TTC28: variants seen among roughly 807,000 people sequenced by gnomAD.
TTC28 encodes the protein tetratricopeptide repeat protein 28.
TTC28 carries 61 observed loss-of-function variants against 198.0 expected under a neutral mutation model. That is an observed-to-expected ratio of 0.31 (90% CI 0.25 to 0.38). The LOEUF (loss-of-function observed/expected upper bound fraction) is 0.38, where lower values mean the gene tolerates loss of function less well. Ranked by LOEUF, TTC28 falls within the 10% of genes least tolerant of loss-of-function variation. The pLI is 1.00. For missense variants in TTC28, 2,678 were observed against 3,164.0 expected (o/e 0.85, Z 3.69); for synonymous variants, 1,171 against 1,297.8 (o/e 0.90, Z 2.10).
At chr22:28,207,558 T>A (rs571129461) in intron 5 of TTC28, among the ~76,000 whole-genome samples, 1 of 152,290 alleles carries the variant, frequency 6.6e-6, no homozygotes, top group East Asian at 1.9e-4. Context: ...TCTTACAGTT[T>A]CTTAACTATG....
intron 2 of TTC28, among the ~76,000 whole-genome samples, chr22:28,348,890 C>G (rs1197206071): frequency 6.6e-6 from 1 of 152,174 alleles, no homozygotes; most frequent in Non-Finnish European, 1.5e-5. Context: ...TCGTCCCAGT[C>G]CTTTCCTGTT....
chr22:28,016,624 C>G (rs945634085), intron 13 of TTC28, among the ~76,000 whole-genome samples: 1 of 152,192 alleles, frequency 6.6e-6, no homozygotes, highest in African/African-American at 2.4e-5. Context: ...GGGGGAGTGC[C>G]ATGCCCCCAG....
At chr22:28,586,041 G>A (rs1256485233) in intron 2 of TTC28, among the ~76,000 whole-genome samples, 2 of 151,854 alleles carry the variant, frequency 1.3e-5, no homozygotes, top group East Asian at 3.9e-4. Flanking sequence ...AGCACTTTGG[G>A]AGGCTGAGGC....
chr22:28,417,213 C>T (rs539113211), intron 2 of TTC28, among the ~76,000 whole-genome samples: 21 of 147,650 alleles, frequency 1.4e-4, no homozygotes, highest in South Asian at 4.3e-4. Context: ...AGAGTAATCC[C>T]AACACTTTGA....
intron 5 of TTC28, among the ~76,000 whole-genome samples, chr22:28,181,282 A>G (rs950856668): frequency 6.6e-6 from 1 of 152,236 alleles, no homozygotes. Context: ...TTTTCAAATC[A>G]AGAATCTGTA....
intron 2 of TTC28, among the ~76,000 whole-genome samples, chr22:28,551,305 G>A (rs1231569472): frequency 6.6e-6 from 1 of 152,084 alleles, no homozygotes; most frequent in Non-Finnish European, 1.5e-5. Flanking sequence ...GACACTCAAA[G>A]ATGAATTGCT....
chr22:28,175,268 T>C (rs191259685), intron 5 of TTC28, among the ~76,000 whole-genome samples: 1 of 152,246 alleles, frequency 6.6e-6, no homozygotes, highest in East Asian at 1.9e-4. Flanking sequence ...TAAATGAGAT[T>C]ACCTCAAACT....
At chr22:28,632,879 A>G (rs991721755) in intron 1 of TTC28, among the ~76,000 whole-genome samples, 1 of 152,044 alleles carries the variant, frequency 6.6e-6, no homozygotes, top group Non-Finnish European at 1.5e-5. Flanking sequence ...TAATCCCAGC[A>G]TACTGGGAGA....
At chr22:28,031,624 A>G (rs939905059) in intron 12 of TTC28, among the ~76,000 whole-genome samples, 6 of 152,198 alleles carry the variant, frequency 3.9e-5, no homozygotes, top group African/African-American at 1.2e-4. Context: ...GAGAAGGGAA[A>G]TAAGCCCCTC....
At chr22:28,432,143 AGGCGTGGT>A (rs1163479270) in intron 2 of TTC28, among the ~76,000 whole-genome samples, 1 of 146,788 alleles carries the variant, frequency 6.8e-6, no homozygotes, top group Non-Finnish European at 1.5e-5. Context: ...AAAATTAGCC[AGGCGTGGT>A]GGCGGGTGCC....
At chr22:28,566,651 T>C (rs941434994) in intron 2 of TTC28, among the ~76,000 whole-genome samples, 1 of 152,130 alleles carries the variant, frequency 6.6e-6, no homozygotes, top group Admixed American at 6.5e-5. Flanking sequence ...CTATCATTAA[T>C]ATCCTCAGAT....
At chr22:28,356,460 G>A (rs2046078744) in intron 2 of TTC28, among the ~76,000 whole-genome samples, 1 of 152,198 alleles carries the variant, frequency 6.6e-6, no homozygotes, top group African/African-American at 2.4e-5. Context: ...AAATGAAAAT[G>A]AGGGGCTTCT....
chr22:28,041,550 A>T (rs1333275851), intron 12 of TTC28, among the ~76,000 whole-genome samples: 2 of 152,214 alleles, frequency 1.3e-5, no homozygotes, highest in Admixed American at 6.5e-5. Context: ...CTGAAACTGG[A>T]TCCCTTCCTT....
intron 5 of TTC28, among the ~76,000 whole-genome samples, chr22:28,178,192 T>C (rs998719166): frequency 2.0e-5 from 3 of 151,756 alleles, no homozygotes; most frequent in Non-Finnish European, 4.4e-5. Flanking sequence ...CGGTGGCACA[T>C]GCCTGTAATC....
At chr22:28,393,789 A>G (rs1159352993) in intron 2 of TTC28, among the ~76,000 whole-genome samples, 5 of 152,216 alleles carry the variant, frequency 3.3e-5, no homozygotes, top group Non-Finnish European at 2.9e-5. Flanking sequence ...TTCAAAGTGA[A>G]AGCTTGCATA....
chr22:28,373,100 CTT>C (rs1032652993), intron 2 of TTC28, among the ~76,000 whole-genome samples: 3 of 152,078 alleles, frequency 2.0e-5, no homozygotes, highest in African/African-American at 7.2e-5. Context: ...CTAAAGATAA[CTT>C]TATACCTTGG....
intron 2 of TTC28, among the ~76,000 whole-genome samples, chr22:28,482,401 G>A (rs941657934): frequency 6.6e-6 from 1 of 151,608 alleles, no homozygotes; most frequent in South Asian, 2.1e-4. Context: ...GTAGAGACAG[G>A]GTTTCCCCGT....
intron 13 of TTC28, among the ~76,000 whole-genome samples, chr22:28,026,944 G>A (rs1263479545): frequency 8.5e-5 from 13 of 152,164 alleles, no homozygotes; most frequent in Admixed American, 8.5e-4. Context: ...CTCTGGATGG[G>A]TGCACCTTAC....
At chr22:28,258,919 G>C (rs1931138172) in intron 5 of TTC28, among the ~76,000 whole-genome samples, 1 of 151,708 alleles carries the variant, frequency 6.6e-6, no homozygotes, top group East Asian at 1.9e-4. Context: ...GTGTGTGTGT[G>C]TGTGTGTGTG....
Sources: allele counts gnomAD v4.1 joint callset (sites outside exome capture counted in the v4.1 genomes callset), GRCh38; gene constraint gnomAD v4.1.1; transcripts MANE v1.5; gene names NCBI Gene and HGNC (gene_info 2026-07-23, HGNC 2026-07-21).